The following XPNPEP1 variants were observed in gnomAD, a reference collection of about 807,000 sequenced individuals.
The protein encoded by XPNPEP1 is X-prolyl aminopeptidase 1, also known as xaa-Pro aminopeptidase 1.
A neutral mutation model predicts 92.4 loss-of-function variants in XPNPEP1; 39 were observed. That is an observed-to-expected ratio of 0.42 (90% CI 0.33 to 0.55). XPNPEP1 has a LOEUF of 0.55. Among genes scored for constraint, XPNPEP1 ranks in the 20% least tolerant of loss-of-function variants. The probability of loss-of-function intolerance (pLI) is 0.08; values close to 1 mark genes in which losing one functional copy is unlikely to be tolerated. For missense variants in XPNPEP1, 654 were observed against 856.1 expected (o/e 0.76, Z 2.95); for synonymous variants, 307 against 299.4 (o/e 1.03, Z -0.26).
chr10:109,899,284 T>C (rs1849151082), intron 3 of XPNPEP1, among the ~76,000 whole-genome samples: 1 of 152,172 alleles, frequency 6.6e-6, no homozygotes, highest in African/African-American at 2.4e-5. Flanking sequence ...GACTTATTCT[T>C]ACCAATGAAA....
At chr10:109,921,685 C>A (rs1442752867) in intron 1 of XPNPEP1, among the ~76,000 whole-genome samples, 3 of 152,218 alleles carry the variant, frequency 2.0e-5, no homozygotes, top group African/African-American at 4.8e-5. Flanking sequence ...TCCATCCCTC[C>A]TTTTGATGGG....
At chr10:109,874,145 G>GA (rs1847642858) in intron 15 of XPNPEP1, among the ~76,000 whole-genome samples, 1 of 152,212 alleles carries the variant, frequency 6.6e-6, no homozygotes, top group Non-Finnish European at 1.5e-5. Flanking sequence ...TTACCCCAAT[G>GA]AAGTTATTTT....
intron 3 of XPNPEP1, among the ~76,000 whole-genome samples, chr10:109,898,268 G>A (rs1315026191): frequency 6.6e-6 from 1 of 152,158 alleles, no homozygotes; most frequent in Non-Finnish European, 1.5e-5. Flanking sequence ...GTGACATAAA[G>A]CAATTAGCGC....
At chr10:109,887,748 C>T (rs772899135) in intron 7 of XPNPEP1, among the ~76,000 whole-genome samples, 1 of 152,180 alleles carries the variant, frequency 6.6e-6, no homozygotes, top group East Asian at 1.9e-4. Context: ...ATATCAAATA[C>T]GTTCGAGTGG....
At chr10:109,880,285 G>A (rs369023826) in intron 11 of XPNPEP1, 47 bp from the exon 12 acceptor site, 20 of 1,599,910 alleles carry the variant, frequency 1.3e-5, no homozygotes, top group Non-Finnish European at 1.5e-5. Context: ...TGAAAATCAC[G>A]TGACCAGATT....
At chr10:109,905,998 A>C (rs1849537651) in intron 3 of XPNPEP1, among the ~76,000 whole-genome samples, 2 of 152,230 alleles carry the variant, frequency 1.3e-5, no homozygotes, top group African/African-American at 4.8e-5. Context: ...AGTTGTTCCC[A>C]GGTTAATACA....
chr10:109,911,815 G>T (rs1033458089), intron 2 of XPNPEP1, among the ~76,000 whole-genome samples: 1 of 152,146 alleles, frequency 6.6e-6, no homozygotes, highest in East Asian at 1.9e-4. Context: ...TTTCTTTCAA[G>T]ATCATTTATT....
At chr10:109,891,435 T>A (rs1848698057) in intron 5 of XPNPEP1, 2 of 257,428 alleles carry the variant, frequency 7.8e-6, no homozygotes, top group Non-Finnish European at 7.3e-6. Context: ...AGGCCCCCAG[T>A]ACAGGAGTGA....
At chr10:109,910,183 T>G (rs1849787821) in intron 2 of XPNPEP1, among the ~76,000 whole-genome samples, 1 of 152,232 alleles carries the variant, frequency 6.6e-6, no homozygotes, top group Admixed American at 6.5e-5. Flanking sequence ...GTTTTGCCTG[T>G]TCTAAAATGT....
chr10:109,910,678 G>A (rs1433013675), intron 2 of XPNPEP1, among the ~76,000 whole-genome samples: 2 of 152,134 alleles, frequency 1.3e-5, no homozygotes, highest in Non-Finnish European at 2.9e-5. Context: ...ACCTGCTGAG[G>A]GACATATTGG....
chr10:109,865,765 C>T (rs544857942), intron 20 of XPNPEP1, among the ~76,000 whole-genome samples: 35 of 152,320 alleles, frequency 2.3e-4, no homozygotes, highest in African/African-American at 8.2e-4. Context: ...ATCAGCCAAG[C>T]CCATGGGTGT....
At chr10:109,866,834 G>A (rs945687261) in intron 20 of XPNPEP1, among the ~76,000 whole-genome samples, 3 of 152,238 alleles carry the variant, frequency 2.0e-5, no homozygotes, top group Non-Finnish European at 4.4e-5. Context: ...GTAACTGGCC[G>A]AAAGAATAGT....
In XPNPEP1 at chr10:109,878,006, A is replaced by C; in HGVS notation, c.1235T>G (p.Phe412Cys). ...EISAADKAEEFRRQQADFVDL... is the reference protein window; with the variant it reads ...EISAADKAEECRRQQADFVDL... ...CCCCCAAATGGATCCTTACCTGCGA[A>C]ACTCCTCAGCTTTGTCAGCAGCTGA... is the stretch of plus-strand genomic sequence containing the variant. Residue 412 changes from phenylalanine (F) to cysteine (C), a missense_variant, in exon 13 of 21, where the codon TTT becomes TGT. By Grantham distance (205) the Phe-to-Cys change is radical (BLOSUM62 -2). Coordinates refer to ENST00000502935, the MANE Select transcript of XPNPEP1 (RefSeq NM_020383.4). 1 of 1,614,248 alleles carries C rather than the reference A, an allele frequency of 6.2e-7. No individual in the cohort carries two copies. Among genetic ancestry groups the C allele is most frequent in the Non-Finnish European group, 8.5e-7 (1 of 1,180,042 alleles).
chr10:109,869,408 G>A (rs1173458630), intron 19 of XPNPEP1, among the ~76,000 whole-genome samples: 1 of 152,196 alleles, frequency 6.6e-6, no homozygotes, highest in Non-Finnish European at 1.5e-5. Flanking sequence ...TGGGGGAAGA[G>A]GGTGAAACAC....
chr10:109,902,385 T>C (rs6584961), intron 3 of XPNPEP1, among the ~76,000 whole-genome samples: 84,929 of 152,160 alleles, frequency 0.56, 26,217 homozygotes, highest in African/African-American at 0.8. Flanking sequence ...GAAAGTTTAA[T>C]TGACACTTCA....
intron 17 of XPNPEP1, among the ~76,000 whole-genome samples, chr10:109,871,416 C>G (rs946525373): frequency 1.3e-5 from 2 of 152,194 alleles, no homozygotes; most frequent in African/African-American, 4.8e-5. Context: ...TAAAATAAAT[C>G]CTAAGAATCC....
At chr10:109,881,613 CAAGCCAGATCTAGA>C (rs1404869374) in intron 10 of XPNPEP1, among the ~76,000 whole-genome samples, 1 of 152,196 alleles carries the variant, frequency 6.6e-6, no homozygotes, top group Non-Finnish European at 1.5e-5. Flanking sequence ...GGTACAATGG[CAAGCCAGATCTAGA>C]GAGCCAGGCC....
chr10:109,876,192 G>A (rs1333118212), intron 14 of XPNPEP1: 1 of 152,304 alleles, frequency 6.6e-6, no homozygotes, highest in Non-Finnish European at 1.5e-5. Flanking sequence ...AAACAAACAT[G>A]AGGTATTTTC....
rs1451818886 is a variant in XPNPEP1 at position 109,870,746 on chromosome 10, T to C, written c.1681A>G (p.Met561Val). 9 of 1,614,118 alleles carry C rather than the reference T, an allele frequency of 5.6e-6. No individual in the cohort carries two copies. The highest frequency in any genetic ancestry group is 1.3e-5 in the African/African-American group (1 of 75,036). ...GGACACTTACCATCAGTGACAATCA[T>C]GCCTGCCTCCAAGGGCTCATCAGAG... ...TFSDEPLEAG[M>V]IVTDEPGYYE... The change falls in exon 18 of 21, where the codon ATG (methionine) becomes GTG (valine). Residue 561 changes from methionine (M) to valine (V), a missense_variant. Transcript: ENST00000502935.
Sources: gnomAD v4.1 joint callset for allele counts (sites outside exome capture counted in the v4.1 genomes callset) on GRCh38, gnomAD v4.1.1 for gene constraint, MANE v1.5 for transcripts, NCBI Gene and HGNC (gene_info 2026-07-23, HGNC 2026-07-21) for gene names.